Variants in DPP6 observed in about 807,000 individuals in gnomAD.
DPP6 encodes dipeptidyl peptidase like 6, also known as A-type potassium channel modulatory protein DPP6.
A neutral mutation model predicts 122.6 loss-of-function variants in DPP6; 69 were observed. The observed-to-expected ratio is 0.56, with a 90% confidence interval of 0.46 to 0.69. The LOEUF is 0.69. DPP6 is among the 30% of genes least tolerant of loss of function. The probability of loss-of-function intolerance (pLI) is 0.00; values close to 1 mark genes in which losing one functional copy is unlikely to be tolerated. For missense variants in DPP6, 928 were observed against 1,116.9 expected, an observed-to-expected ratio of 0.83 and a Z score of 2.41; for synonymous variants, 418 against 433.1, an observed-to-expected ratio of 0.97 and a Z score of 0.43.
chr7:154,286,008 T>C (rs1804823645), intron 1 of DPP6, among the ~76,000 whole-genome samples: 1 of 152,252 alleles, frequency 6.6e-6, no homozygotes, highest in Admixed American at 6.5e-5. Context: ...CATACTGAAA[T>C]ATACCTCTAA....
intron 16 of DPP6, among the ~76,000 whole-genome samples, chr7:154,834,836 G>T (rs934905888): frequency 6.6e-6 from 1 of 152,222 alleles, no homozygotes; most frequent in Non-Finnish European, 1.5e-5. Context: ...GGGGCCAGTT[G>T]TCTACGGTCT....
chr7:154,052,530 A>G lies in DPP6; in HGVS notation c.-291A>G, dbSNP rs1292156517. On this transcript the variant is annotated 5_prime_UTR_variant, in exon 1 of 26. Coordinates refer to ENST00000377770, the MANE Select transcript of DPP6 (RefSeq NM_130797.4). This position sits in a 1 kb window ranked among gnomAD's most constrained non-coding sequence, Gnocchi z 4.8. ...ACGTGGCTGTGGCAAGGAGTTGGGG[A>G]AAAAAATTATAAAAACAGGAAAGAG... 29 of 876,382 alleles carry G rather than the reference A, an allele frequency of 3.3e-5. 1 individual carries two copies. Among genetic ancestry groups the G allele is most frequent in the Middle Eastern group, 1.0e-3 (2 of 1,962 alleles). The allele number at this position is 876,382 out of a possible 1,614,324, so 54.3% of individuals were successfully genotyped here.
the DPP6 span, among the ~76,000 whole-genome samples, chr7:153,814,151 T>A: frequency 6.6e-6 from 1 of 152,162 alleles, no homozygotes; most frequent in African/African-American, 2.4e-5. Flanking sequence ...TTTTTATGGT[T>A]TTAGGTCTAA....
chr7:154,127,620 C>G (rs1240922452), intron 1 of DPP6, among the ~76,000 whole-genome samples: 11 of 119,488 alleles, frequency 9.2e-5, no homozygotes, highest in African/African-American at 2.0e-4. Flanking sequence ...CACACACACA[C>G]ACACACACAC....
At chr7:153,827,087 T>A in the DPP6 span, among the ~76,000 whole-genome samples, 1 of 151,890 alleles carries the variant, frequency 6.6e-6, no homozygotes, top group African/African-American at 2.4e-5. Context: ...TTAGAAGGCA[T>A]AAATAAAAAA....
At chr7:153,992,212 C>T (rs894318995) in intron 1 of DPP6, among the ~76,000 whole-genome samples, 1 of 152,064 alleles carries the variant, frequency 6.6e-6, no homozygotes, top group African/African-American at 2.4e-5. Context: ...ATCTATAAGG[C>T]CACCTCTACT....
At chr7:154,804,889 A>T in intron 14 of DPP6, 28 bp from the exon 15 acceptor site, 2 of 1,592,866 alleles carry the variant, frequency 1.3e-6, no homozygotes, top group Non-Finnish European at 1.7e-6. Context: ...GAGCAAACTA[A>T]CCCTGTGCAC....
At chr7:154,017,624 C>G (rs531308107) in intron 1 of DPP6, among the ~76,000 whole-genome samples, 4 of 150,130 alleles carry the variant, frequency 2.7e-5, no homozygotes, top group African/African-American at 9.8e-5. Context: ...TGCTTGAGCC[C>G]GGAATTTTAA....
intron 1 of DPP6, among the ~76,000 whole-genome samples, chr7:154,007,673 G>A (rs1276287544): frequency 6.6e-6 from 1 of 151,994 alleles, no homozygotes; most frequent in African/African-American, 2.4e-5. Context: ...TTTAGACAAC[G>A]CTCCCTACAT....
intron 16 of DPP6, among the ~76,000 whole-genome samples, chr7:154,834,933 G>A (rs1266405777): frequency 6.6e-6 from 1 of 152,128 alleles, no homozygotes; most frequent in African/African-American, 2.4e-5. Flanking sequence ...GCCGTATTTC[G>A]CTGGCTTGGG....
chr7:154,743,422 G>A (rs1842902361), intron 8 of DPP6, among the ~76,000 whole-genome samples: 1 of 152,180 alleles, frequency 6.6e-6, no homozygotes, highest in Non-Finnish European at 1.5e-5. Flanking sequence ...GGAGTTTTGT[G>A]CACTGCGATT....
intron 16 of DPP6, among the ~76,000 whole-genome samples, chr7:154,815,201 G>C (rs539076910): frequency 4.6e-5 from 7 of 152,332 alleles, no homozygotes; most frequent in Admixed American, 1.3e-4. Flanking sequence ...GAAGCAGCAA[G>C]GGGGTCACTG....
chr7:154,887,525 A>T (rs1465688743), intron 22 of DPP6, 151 bp from the exon 23 acceptor site: 3 of 802,200 alleles, frequency 3.7e-6, no homozygotes, highest in African/African-American at 3.4e-5. Flanking sequence ...TGGTGTTTTT[A>T]AAAAACCAAC....
At position 154,114,075 on chromosome 7, in the gene DPP6, C is replaced by G. The variant is rs922455553; in HGVS notation, c.243+61012C>G. Among the ~76,000 whole-genome samples the G allele has an allele frequency of 2.9e-4, 44 of 151,722 alleles. 3 individuals are homozygous for G. Among genetic ancestry groups the G allele is most frequent in the Non-Finnish European group, 1.5e-5 (1 of 67,974 alleles). ...TGATCTTATGTGTAGACAACCCAAA[C>G]TTTCTTATCTTCACAGAATATTTTG... On this transcript the variant is annotated intron_variant, in intron 1 of 25. Coordinates refer to ENST00000377770, the MANE Select transcript of DPP6 (RefSeq NM_130797.4).
chr7:154,679,353 G>A (rs567379664), intron 7 of DPP6, among the ~76,000 whole-genome samples: 6 of 152,326 alleles, frequency 3.9e-5, no homozygotes, highest in African/African-American at 1.2e-4. Flanking sequence ...TGCCACGCCA[G>A]AAATTATCCC....
chr7:154,001,932 C>T (rs1797709949), intron 1 of DPP6, among the ~76,000 whole-genome samples: 1 of 151,828 alleles, frequency 6.6e-6, no homozygotes, highest in African/African-American at 2.4e-5. Flanking sequence ...GCAGATGTTA[C>T]CACGGAGCAT....
At chr7:154,331,814 A>G (rs956316934) in intron 1 of DPP6, among the ~76,000 whole-genome samples, 1 of 152,194 alleles carries the variant, frequency 6.6e-6, no homozygotes, top group African/African-American at 2.4e-5. Context: ...TCAGGGTCGT[A>G]AAAACACTCT....
At chr7:153,749,270 G>A in the DPP6 span, among the ~76,000 whole-genome samples, 1 of 152,134 alleles carries the variant, frequency 6.6e-6, no homozygotes, top group African/African-American at 2.4e-5. This position sits in a 1 kb window ranked among gnomAD's most constrained non-coding sequence, Gnocchi z 4.1. Flanking sequence ...CCCTGGGGCT[G>A]GAGATCCTAC....
intron 1 of DPP6, among the ~76,000 whole-genome samples, chr7:154,284,911 A>G (rs947337240): frequency 1.3e-5 from 2 of 152,204 alleles, no homozygotes; most frequent in Non-Finnish European, 2.9e-5. Context: ...CTGAACAAAA[A>G]GGACAAATAC....
Sources: allele counts gnomAD v4.1 joint callset (sites outside exome capture counted in the v4.1 genomes callset), GRCh38; gene constraint gnomAD v4.1.1; non-coding constraint Gnocchi (gnomAD v3.1); transcripts MANE v1.5; gene names NCBI Gene and HGNC (gene_info 2026-07-23, HGNC 2026-07-21).